Variants in JAZF1 observed in about 807,000 individuals in gnomAD.
JAZF1 encodes the protein JAZF zinc finger 1.
A neutral mutation model predicts 26.4 loss-of-function variants in JAZF1; 8 were observed. The ratio of observed to expected loss-of-function variants is 0.30; its 90% confidence interval spans 0.18 to 0.55. The LOEUF (loss-of-function observed/expected upper bound fraction) is 0.55, where lower values mean the gene tolerates loss of function less well. Ranked by LOEUF, JAZF1 falls within the 20% of genes least tolerant of loss-of-function variation. The pLI is 0.94. For missense variants in JAZF1, 199 were observed against 322.0 expected (o/e 0.62, Z 2.92); for synonymous variants, 126 against 122.3 (o/e 1.03, Z -0.20).
At chr7:28,149,345 G>A (rs1453638110) in intron 1 of JAZF1, among the ~76,000 whole-genome samples, 1 of 152,150 alleles carries the variant, frequency 6.6e-6, no homozygotes, top group Non-Finnish European at 1.5e-5. Context: ...CCAGTGTCAA[G>A]AAAGACGTCC....
chr7:27,939,576 G>C (rs1360115514), intron 2 of JAZF1, among the ~76,000 whole-genome samples: 1 of 152,198 alleles, frequency 6.6e-6, no homozygotes, highest in Admixed American at 6.5e-5. Flanking sequence ...ATGGCCTCAG[G>C]CTTTTTTCCT....
chr7:28,125,774 A>G (rs1782683714), intron 1 of JAZF1, among the ~76,000 whole-genome samples: 2 of 152,142 alleles, frequency 1.3e-5, no homozygotes, highest in Non-Finnish European at 2.9e-5. Flanking sequence ...ACCCTCACTC[A>G]GTGCAAGCAT....
chr7:28,075,858 A>G (rs978759775), intron 1 of JAZF1, among the ~76,000 whole-genome samples: 1 of 152,250 alleles, frequency 6.6e-6, no homozygotes, highest in African/African-American at 2.4e-5. Context: ...GGTTATCTTG[A>G]CCACAGTGAC....
chr7:28,034,038 C>T (rs1783238276), intron 1 of JAZF1, among the ~76,000 whole-genome samples: 1 of 152,136 alleles, frequency 6.6e-6, no homozygotes, highest in Non-Finnish European at 1.5e-5. Flanking sequence ...TCATCACACC[C>T]AGCTGGAACT....
Position 27,867,057 on chromosome 7 carries a change from G to A in JAZF1, c.386-26190C>T, listed in dbSNP as rs528633394. On this transcript the variant is annotated intron_variant, in intron 3 of 4. Transcript: ENST00000283928. ...CAACTGCTGCTTGTGTCTGCACTGC[G>A]GCAGCCCTCGCCGGAGCTTGTTTTG... 5.9e-5 allele frequency among the ~76,000 whole-genome samples: 9 copies of A among 152,254 alleles called. No homozygotes were observed. The East Asian group carries it at 7.7e-4, about 13-fold the overall frequency.
chr7:28,110,561 G>A (rs1257496269), intron 1 of JAZF1, among the ~76,000 whole-genome samples: 7 of 119,190 alleles, frequency 5.9e-5, no homozygotes, highest in African/African-American at 9.3e-5. Context: ...AAAGGAAAGG[G>A]AAAGGAAAAG....
chr7:28,178,654 T>A (rs1381641969), intron 1 of JAZF1, among the ~76,000 whole-genome samples: 1 of 152,224 alleles, frequency 6.6e-6, no homozygotes, highest in Non-Finnish European at 1.5e-5. Flanking sequence ...TATTTTAAAC[T>A]AGCCATCATG....
intron 4 of JAZF1, chr7:27,833,295 T>G (rs1450035939): frequency 1.2e-5 from 2 of 171,034 alleles, no homozygotes; most frequent in Non-Finnish European, 2.5e-5. Flanking sequence ...CCTCTGAATC[T>G]TTTCCACTCT....
intron 3 of JAZF1, among the ~76,000 whole-genome samples, chr7:27,870,205 G>A (rs1490015946): frequency 1.3e-5 from 2 of 151,224 alleles, no homozygotes; most frequent in African/African-American, 2.4e-5. Context: ...GATTACAGGC[G>A]TGAGCCACCA....
In JAZF1 at chr7:27,849,876, G is replaced by T. The variant is rs114685573; in HGVS notation, c.386-9009C>A. Among the ~76,000 whole-genome samples, 846 of 151,824 alleles carry T rather than the reference G, an allele frequency of 5.6e-3. 6 individuals carry two copies. The highest frequency in any genetic ancestry group is 0.016 in the African/African-American group (665 of 41,234). On this transcript the variant is annotated intron_variant, in intron 3 of 4. Transcript: ENST00000283928. Reference sequence around the variant, plus strand: ...ACGTTTGCTCTCTCACTGGCCACAAGAAGATTTCCAATCTTGCCCACTCTC... The same window carrying T: ...ACGTTTGCTCTCTCACTGGCCACAATAAGATTTCCAATCTTGCCCACTCTC...
At chr7:28,136,415 A>G (rs1399790839) in intron 1 of JAZF1, among the ~76,000 whole-genome samples, 1 of 152,228 alleles carries the variant, frequency 6.6e-6, no homozygotes, top group Admixed American at 6.5e-5. Flanking sequence ...CTCAAGAAGG[A>G]AAAGACAGAA....
chr7:28,158,186 C>CAGAGAG (rs1554292394), intron 1 of JAZF1, among the ~76,000 whole-genome samples: 257 of 143,422 alleles, frequency 1.8e-3, no homozygotes, highest in African/African-American at 5.8e-3. Context: ...CACACACACA[C>CAGAGAG]AGAGAGAGAG....
chr7:27,833,542 T>C (rs184379396), intron 4 of JAZF1, among the ~76,000 whole-genome samples: 1 of 152,328 alleles, frequency 6.6e-6, no homozygotes, highest in Admixed American at 6.5e-5. Flanking sequence ...CTGATGCCAC[T>C]GTGGGAGCTA....
intron 3 of JAZF1, among the ~76,000 whole-genome samples, chr7:27,882,837 C>T (rs1455533959): frequency 3.9e-5 from 6 of 151,996 alleles, no homozygotes; most frequent in African/African-American, 1.2e-4. Context: ...GTGGCAGGGA[C>T]GGGGGTGTGG....
chr7:27,853,685 T>C (rs1360769233), intron 3 of JAZF1, among the ~76,000 whole-genome samples: 1 of 152,230 alleles, frequency 6.6e-6, no homozygotes, highest in Non-Finnish European at 1.5e-5. Flanking sequence ...TTGTACAGTT[T>C]TGAGTGAGTT....
At chr7:28,170,621 A>C (rs1562611392) in intron 1 of JAZF1, among the ~76,000 whole-genome samples, 1 of 152,088 alleles carries the variant, frequency 6.6e-6, no homozygotes, top group South Asian at 2.1e-4. Flanking sequence ...AGAAGCCTTG[A>C]CACATTCAGA....
intron 1 of JAZF1, among the ~76,000 whole-genome samples, chr7:28,133,439 G>A (rs925277405): frequency 6.6e-6 from 1 of 152,190 alleles, no homozygotes; most frequent in African/African-American, 2.4e-5. Flanking sequence ...GAAAAGAGAT[G>A]ATGACATAAA....
At chr7:28,141,982 C>G (rs935763469) in intron 1 of JAZF1, among the ~76,000 whole-genome samples, 2 of 152,094 alleles carry the variant, frequency 1.3e-5, no homozygotes, top group African/African-American at 2.4e-5. Flanking sequence ...CTAAATTATA[C>G]TACATCTGCA....
chr7:27,930,749 A>T (rs966615677), intron 2 of JAZF1, among the ~76,000 whole-genome samples: 2 of 152,290 alleles, frequency 1.3e-5, no homozygotes, highest in East Asian at 3.9e-4. Context: ...TAAATTTTGC[A>T]TTCTTTTAAG....
Sources: allele counts gnomAD v4.1 joint callset (sites outside exome capture counted in the v4.1 genomes callset), GRCh38; gene constraint gnomAD v4.1.1; transcripts MANE v1.5; gene names NCBI Gene and HGNC (gene_info 2026-07-23, HGNC 2026-07-21).